TMEM71: variants seen among roughly 807,000 people sequenced by gnomAD.
The protein encoded by TMEM71 is transmembrane protein 71.
A neutral mutation model predicts 38.0 loss-of-function variants in TMEM71; 44 were observed. The observed-to-expected ratio is 1.16, with a 90% CI of 0.91 to 1.49. The LOEUF (loss-of-function observed/expected upper bound fraction) is 1.49, where lower values mean the gene tolerates loss of function less well. Ranked by LOEUF, TMEM71 falls within the 40% of genes most tolerant of loss-of-function variation. The pLI is 0.00. For missense variants in TMEM71, 367 were observed against 348.6 expected (o/e 1.05, Z -0.42); for synonymous variants, 133 against 122.5 (o/e 1.09, Z -0.56).
At chr8:132,747,821 A>G (rs1345963838) in intron 4 of TMEM71, among the ~76,000 whole-genome samples, 1 of 152,204 alleles carries the variant, frequency 6.6e-6, no homozygotes, top group Non-Finnish European at 1.5e-5. Flanking sequence ...AAGGAAGGTA[A>G]GTAATGATGA....
chr8:132,772,311 T>C, the TMEM71 span, among the ~76,000 whole-genome samples: 1 of 152,248 alleles, frequency 6.6e-6, no homozygotes, highest in Non-Finnish European at 1.5e-5. Context: ...ATTTGCTCAC[T>C]GCTTGTTTGG....
chr8:132,727,545 C>T (rs111667406), intron 6 of TMEM71, among the ~76,000 whole-genome samples: 8 of 152,246 alleles, frequency 5.3e-5, no homozygotes, highest in African/African-American at 1.7e-4. Flanking sequence ...CCTGACCTGC[C>T]GTGCCCGGTC....
intron 7 of TMEM71, among the ~76,000 whole-genome samples, chr8:132,720,445 T>G (rs1826777351): frequency 6.6e-6 from 1 of 152,186 alleles, no homozygotes; most frequent in Non-Finnish European, 1.5e-5. Flanking sequence ...ACCACATTAT[T>G]TCACTGATTA....
intron 2 of TMEM71, among the ~76,000 whole-genome samples, chr8:132,757,530 A>C (rs531844950): frequency 6.6e-6 from 1 of 152,106 alleles, no homozygotes; most frequent in Non-Finnish European, 1.5e-5. Context: ...CTTCATCCAC[A>C]TAACACTCTA....
chr8:132,743,817 A>G (rs1325623535), intron 5 of TMEM71, among the ~76,000 whole-genome samples: 1 of 152,152 alleles, frequency 6.6e-6, no homozygotes. Context: ...CAAACCATGC[A>G]TGCTATCTTC....
At chr8:132,732,091 A>C (rs921998592) in intron 5 of TMEM71, among the ~76,000 whole-genome samples, 5 of 152,166 alleles carry the variant, frequency 3.3e-5, no homozygotes, top group Non-Finnish European at 7.4e-5. Flanking sequence ...GAAGGAAGTC[A>C]AATTAGATAT....
the TMEM71 span, among the ~76,000 whole-genome samples, chr8:132,767,508 C>T: frequency 1.0e-4 from 15 of 145,640 alleles, no homozygotes; most frequent in African/African-American, 3.8e-4. Flanking sequence ...TAGAGTCTTG[C>T]TCTGTTGCCA....
At chr8:132,729,905 G>T (rs570574699) in intron 5 of TMEM71, among the ~76,000 whole-genome samples, 4 of 152,280 alleles carry the variant, frequency 2.6e-5, no homozygotes, top group Non-Finnish European at 5.9e-5. Context: ...TATGTAGTGG[G>T]TGGGAGGAAA....
At chr8:132,728,171 C>T (rs1028393666) in intron 5 of TMEM71, among the ~76,000 whole-genome samples, 185 bp from the exon 6 acceptor site, 1 of 151,986 alleles carries the variant, frequency 6.6e-6, no homozygotes, top group African/African-American at 2.4e-5. Context: ...ATGATGTATT[C>T]GTCTGTTTTC....
At chr8:132,742,192 T>A (rs143793506) in intron 5 of TMEM71, among the ~76,000 whole-genome samples, 1 of 152,248 alleles carries the variant, frequency 6.6e-6, no homozygotes, top group Non-Finnish European at 1.5e-5. Context: ...TTAATGATAT[T>A]CATATATAAT....
intron 6 of TMEM71, 78 bp downstream of exon 6, chr8:132,727,720 G>T: frequency 1.5e-6 from 2 of 1,331,618 alleles, no homozygotes; most frequent in Non-Finnish European, 2.1e-6. Context: ...CTGCATTTTA[G>T]TCATCTCCAA....
upstream of TMEM71, among the ~76,000 whole-genome samples, chr8:132,761,020 T>C (rs1291454137): frequency 6.6e-6 from 1 of 152,240 alleles, no homozygotes; most frequent in Non-Finnish European, 1.5e-5. Flanking sequence ...CTTGATCTTA[T>C]GAAAATTTCT....
upstream of TMEM71, among the ~76,000 whole-genome samples, chr8:132,763,495 A>C (rs889496189): frequency 1.3e-5 from 2 of 152,186 alleles, no homozygotes; most frequent in African/African-American, 4.8e-5. Flanking sequence ...TCAGTCCTCC[A>C]CTGTTAATGG....
the TMEM71 span, among the ~76,000 whole-genome samples, chr8:132,772,364 G>C: frequency 1.3e-5 from 2 of 152,112 alleles, no homozygotes; most frequent in Admixed American, 1.3e-4. Flanking sequence ...TCTATATTTG[G>C]AGATGGAGTG....
chr8:132,752,899 C>T (rs550745430), intron 3 of TMEM71, among the ~76,000 whole-genome samples: 1 of 150,152 alleles, frequency 6.7e-6, no homozygotes, highest in Admixed American at 6.6e-5. Context: ...AATCACATGG[C>T]CCTATAATTG....
intron 2 of TMEM71, chr8:132,758,558 C>A (rs542708474): frequency 2.8e-6 from 1 of 362,618 alleles, no homozygotes; most frequent in Admixed American, 4.7e-5. Flanking sequence ...AGTTTTGCAT[C>A]TTAATAGTAG....
upstream of TMEM71, among the ~76,000 whole-genome samples, chr8:132,763,028 T>C (rs1016877629): frequency 2.6e-5 from 4 of 152,182 alleles, no homozygotes; most frequent in African/African-American, 9.6e-5. Context: ...CATCTTCTTC[T>C]TGTTTCTCAT....
intron 3 of TMEM71, among the ~76,000 whole-genome samples, chr8:132,753,322 G>A (rs1828828132): frequency 6.6e-6 from 1 of 152,152 alleles, no homozygotes; most frequent in Non-Finnish European, 1.5e-5. Context: ...GTGGTTTTTT[G>A]TGAATCAATT....
chr8:132,715,782 A>G (rs1456388790), intron 7 of TMEM71, among the ~76,000 whole-genome samples: 3 of 152,248 alleles, frequency 2.0e-5, no homozygotes, highest in East Asian at 1.9e-4. Flanking sequence ...AGAATAGCAC[A>G]TTTGTTATTG....
Sources: gnomAD v4.1 joint callset for allele counts (sites outside exome capture counted in the v4.1 genomes callset) on GRCh38, gnomAD v4.1.1 for gene constraint, MANE v1.5 for transcripts, NCBI Gene and HGNC (gene_info 2026-07-23, HGNC 2026-07-21) for gene names.